Variants in STPG2 observed in about 807,000 individuals in gnomAD.
STPG2 encodes the protein sperm tail PG-rich repeat containing 2, also known as sperm-tail PG-rich repeat-containing protein 2.
Under a neutral mutation model 54.2 loss-of-function variants are expected in STPG2, and 56 were observed. The ratio of observed to expected loss-of-function variants is 1.03; its 90% CI spans 0.83 to 1.29. STPG2 has a LOEUF of 1.29. Among genes scored for constraint, STPG2 ranks in the 50% most tolerant of loss-of-function variants. The probability of loss-of-function intolerance (pLI) is 0.00; values close to 1 mark genes in which losing one functional copy is unlikely to be tolerated. For missense variants in STPG2, 596 were observed against 544.9 expected (o/e 1.09, Z -0.93); for synonymous variants, 200 against 181.8 (o/e 1.10, Z -0.81).
intron 9 of STPG2, among the ~76,000 whole-genome samples, chr4:97,779,425 C>T (rs1167903568): frequency 2.6e-5 from 4 of 151,830 alleles, no homozygotes; most frequent in Non-Finnish European, 4.4e-5. Flanking sequence ...AAGAAATACA[C>T]GACTATGTAT....
intron 8 of STPG2, among the ~76,000 whole-genome samples, chr4:97,872,262 A>G (rs1730017487): frequency 6.6e-6 from 1 of 151,276 alleles, no homozygotes; most frequent in Admixed American, 6.6e-5. Flanking sequence ...AATAATATTT[A>G]ATATTGTACT....
At chr4:97,587,012 G>A (rs1435642276) in intron 10 of STPG2, among the ~76,000 whole-genome samples, 1 of 151,876 alleles carries the variant, frequency 6.6e-6, no homozygotes, top group Non-Finnish European at 1.5e-5. Flanking sequence ...CCACTCTTAT[G>A]TATGGCAATT....
chr4:97,937,568 A>T (rs1732794167), intron 8 of STPG2, among the ~76,000 whole-genome samples: 1 of 152,000 alleles, frequency 6.6e-6, no homozygotes, highest in South Asian at 2.1e-4. Flanking sequence ...TTTTTGTAGG[A>T]ACTTTTTTGT....
chr4:97,516,835 T>TCAA (rs1161753119), intron 4 of STPG2, among the ~76,000 whole-genome samples: 5 of 128,590 alleles, frequency 3.9e-5, no homozygotes, highest in East Asian at 4.5e-4. Context: ...AGACTCCATC[T>TCAA]CAACAACAAC....
At chr4:98,084,920 A>G (rs1039375106) in intron 5 of STPG2, among the ~76,000 whole-genome samples, 2 of 152,128 alleles carry the variant, frequency 1.3e-5, no homozygotes, top group African/African-American at 4.8e-5. Context: ...CATTATCTTA[A>G]TAATGACTCA....
At chr4:97,562,689 A>T (rs540640528) in intron 10 of STPG2, among the ~76,000 whole-genome samples, 2 of 152,236 alleles carry the variant, frequency 1.3e-5, no homozygotes, top group South Asian at 4.1e-4. Context: ...TTCTGCATCT[A>T]TTGAGATAAT....
At chr4:97,877,796 T>C (rs1241551316) in intron 8 of STPG2, among the ~76,000 whole-genome samples, 1 of 152,158 alleles carries the variant, frequency 6.6e-6, no homozygotes, top group Non-Finnish European at 1.5e-5. Flanking sequence ...AAACCAATCA[T>C]GCCTTCCCAA....
chr4:97,921,211 G>C (rs191549950), intron 8 of STPG2, among the ~76,000 whole-genome samples: 22 of 152,152 alleles, frequency 1.4e-4, no homozygotes, highest in Admixed American at 1.2e-3. Context: ...ATGCACCCCT[G>C]ACCAAGCAGG....
intron 9 of STPG2, among the ~76,000 whole-genome samples, chr4:97,798,769 T>C (rs1727286624): frequency 1.2e-5 from 1 of 80,414 alleles, no homozygotes; most frequent in Non-Finnish European, 2.4e-5. Context: ...ATCTGTCTAA[T>C]GTTGACAGTG....
intron 7 of STPG2, among the ~76,000 whole-genome samples, chr4:97,947,469 T>A (rs148958965): frequency 1.9e-3 from 296 of 152,244 alleles, no homozygotes; most frequent in African/African-American, 7.0e-3. Context: ...AAAGTGGGGA[T>A]CTTCATCTTG....
chr4:97,919,419 ACTC>A (rs1335401046), intron 8 of STPG2, among the ~76,000 whole-genome samples: 1 of 150,650 alleles, frequency 6.6e-6, no homozygotes, highest in South Asian at 2.1e-4. Context: ...ATATTGATAA[ACTC>A]CTAGTAAGAC....
chr4:97,565,950 A>G (rs953598795), intron 10 of STPG2, among the ~76,000 whole-genome samples: 1 of 152,292 alleles, frequency 6.6e-6, no homozygotes, highest in Non-Finnish European at 1.5e-5. Context: ...TGGGAGAACC[A>G]CTGCTCTCTT....
chr4:97,642,858 T>C (rs981723080), intron 10 of STPG2, among the ~76,000 whole-genome samples: 5 of 151,110 alleles, frequency 3.3e-5, no homozygotes, highest in African/African-American at 1.2e-4. Flanking sequence ...TAGAAAAAAA[T>C]AATCAAAACA....
intron 5 of STPG2, among the ~76,000 whole-genome samples, chr4:98,041,913 A>G (rs1736972522): frequency 6.6e-6 from 1 of 151,912 alleles, no homozygotes; most frequent in Admixed American, 6.6e-5. Flanking sequence ...AATTGGTACA[A>G]GTTCTTCTTT....
At chr4:97,642,699 T>G (rs1721798923) in intron 10 of STPG2, among the ~76,000 whole-genome samples, 1 of 151,510 alleles carries the variant, frequency 6.6e-6, no homozygotes, top group African/African-American at 2.4e-5. Context: ...ACAATTCACG[T>G]AGGCACAACG....
intron 4 of STPG2, among the ~76,000 whole-genome samples, chr4:97,480,519 G>A (rs1730193579): frequency 2.6e-5 from 4 of 151,382 alleles, no homozygotes; most frequent in African/African-American, 9.7e-5. Flanking sequence ...AAACATATTG[G>A]TCTCTAGTTT....
At chr4:98,009,425 A>G (rs772126619) in intron 5 of STPG2, among the ~76,000 whole-genome samples, 37 of 151,972 alleles carry the variant, frequency 2.4e-4, no homozygotes, top group Non-Finnish European at 5.0e-4. Context: ...CTACTTTCAT[A>G]TCATTATGAT....
chr4:97,653,093 T>TA (rs1553946777), intron 10 of STPG2, among the ~76,000 whole-genome samples: 1 of 82,762 alleles, frequency 1.2e-5, no homozygotes, highest in African/African-American at 5.1e-5. Context: ...GATTGATAGA[T>TA]GATAGATAGA....
chr4:97,654,371 T>C (rs896513416), intron 10 of STPG2, among the ~76,000 whole-genome samples: 1 of 152,112 alleles, frequency 6.6e-6, no homozygotes, highest in Non-Finnish European at 1.5e-5. Context: ...AAATACACTC[T>C]CATACATTAT....
Sources: allele counts gnomAD v4.1 joint callset (sites outside exome capture counted in the v4.1 genomes callset), GRCh38; gene constraint gnomAD v4.1.1; transcripts MANE v1.5; gene names NCBI Gene and HGNC (gene_info 2026-07-23, HGNC 2026-07-21).